COL7A1: variants seen among roughly 807,000 people sequenced by gnomAD.
The protein encoded by COL7A1 is collagen type VII alpha 1 chain, also known as collagen alpha-1(VII) chain.
In COL7A1, 296 loss-of-function variants were observed where a neutral mutation model predicts 456.2. That is an observed-to-expected ratio of 0.65 (90% CI 0.59 to 0.71). COL7A1 has a LOEUF of 0.71. Among genes scored for constraint, COL7A1 ranks in the 30% least tolerant of loss-of-function variants. The pLI, the probability that COL7A1 is intolerant of heterozygous loss-of-function variation, is 0.00. For synonymous variants in COL7A1, 1,464 were observed against 1,525.9 expected, an observed-to-expected ratio of 0.96 and a Z score of 0.95; for missense variants, 3,441 against 4,017.2, an observed-to-expected ratio of 0.86 and a Z score of 3.88.
In COL7A1 at chr3:48,576,381, G is replaced by A; in HGVS notation, c.5772+19C>T. The stretch of plus-strand genomic sequence containing the variant: ...GGTGCTGTGGCTACCTGGGCATGTG[G>A]AAAAGGTGGGGGCCTCACCTGCTCC... On this transcript the variant is annotated intron_variant, in intron 70 of 118. Coordinates refer to ENST00000681320, the MANE Select transcript of COL7A1 (RefSeq NM_000094.4). The A allele has an allele frequency of 1.2e-6, 2 of 1,613,870 alleles. No individual in the cohort carries two copies. Among genetic ancestry groups the A allele is most frequent in the Non-Finnish European group, 1.7e-6 (2 of 1,180,004 alleles).
At position 48,592,828 on chromosome 3, in the gene COL7A1, GGACCTTGTA is replaced by G. The variant is rs748563492; in HGVS notation, c.784_792del (p.Tyr262_Val264del). ...CCCAGCCCCGTCAGAGGAGTGTACT[GGACCTTGTA>G]GCCAGTCACAGGGCCACTGGCCGCT... is the stretch of plus-strand genomic sequence containing the variant. On this transcript the variant is annotated inframe_deletion, in exon 7 of 119. Coordinates refer to ENST00000681320, the MANE Select transcript of COL7A1 (RefSeq NM_000094.4). This position sits in a 1 kb window ranked among gnomAD's most constrained non-coding sequence, Gnocchi z 7.6. 1 of 1,613,848 alleles carries G rather than the reference GGACCTTGTA, an allele frequency of 6.2e-7. No homozygotes were observed. The highest frequency in any genetic ancestry group is 1.1e-5 in the South Asian group (1 of 91,088).
In COL7A1 at chr3:48,572,667, T is replaced by C. The variant is rs1057518706; in HGVS notation, c.6900+4A>G. ...AGGGGGTGGAAGTCAGGGTCAAAGA[T>C]CACCTGTCCAGGGGCCCCCGTGGGG... On this transcript the variant is annotated splice_donor_region_variant and intron_variant, in intron 88 of 118. Transcript: ENST00000681320. The surrounding 1 kb of genome is among the most constrained non-coding windows in gnomAD (Gnocchi z 4.6). 1 of 1,602,320 alleles carries C rather than the reference T, an allele frequency of 6.2e-7. No individual in the cohort carries two copies. Among genetic ancestry groups the C allele is most frequent in the Non-Finnish European group, 8.5e-7 (1 of 1,175,032 alleles).
Position 48,585,367 on chromosome 3 carries a change from G to A in COL7A1, c.3894+190C>T, listed in dbSNP as rs565134095. ...GGAGCTGCTGCTCAGGCTCTGCAGC[G>A]GGGCTAGAGGCCCCACTGGCCCTTC... On this transcript the variant is annotated intron_variant, in intron 32 of 118. Coordinates refer to ENST00000681320, the MANE Select transcript of COL7A1 (RefSeq NM_000094.4). The surrounding 1 kb of genome is among the most constrained non-coding windows in gnomAD (Gnocchi z 4.5). Among the ~76,000 whole-genome samples, 6 of 152,320 alleles carry A rather than the reference G, an allele frequency of 3.9e-5. No homozygotes were observed. The highest frequency in any genetic ancestry group is 4.1e-4 in the South Asian group (2 of 4,826).
In COL7A1 at chr3:48,571,371, G is replaced by A; in HGVS notation, c.7069-93C>T. On this transcript the variant is annotated intron_variant, in intron 92 of 118. Coordinates refer to ENST00000681320, the MANE Select transcript of COL7A1 (RefSeq NM_000094.4). The surrounding 1 kb of genome is among the most constrained non-coding windows in gnomAD (Gnocchi z 4.6). Reference sequence around the variant, plus strand: ...AAAATATTCCCAGGGGAGTTCTGATGTGACCATGAACACATGGGAACTCAG... The same window carrying A: ...AAAATATTCCCAGGGGAGTTCTGATATGACCATGAACACATGGGAACTCAG... 1.3e-6 allele frequency: 2 copies of A among 1,505,996 alleles called. No homozygotes were observed. Among genetic ancestry groups the A allele is most frequent in the South Asian group, 2.3e-5 (2 of 87,166 alleles). The allele number at this position is 1,505,996 out of a possible 1,614,324, so 93.3% of individuals were successfully genotyped here.
In COL7A1 at chr3:48,584,904, C is replaced by T. The variant is rs1216475621; in HGVS notation, c.4011+6G>A. On this transcript the variant is annotated splice_donor_region_variant and intron_variant, in intron 34 of 118. Transcript: ENST00000681320. ...CTTAGAGAGCAAAGAAGGGAAGGCA[C>T]CTTACCGGGTCCCCACGAGGGCCAG... 1 of 1,613,910 alleles carries T rather than the reference C, an allele frequency of 6.2e-7. No homozygotes were observed. Among genetic ancestry groups the T allele is most frequent in the African/African-American group, 1.3e-5 (1 of 74,926 alleles).
rs2043796401 is a variant in COL7A1 at position 48,569,821 on chromosome 3, A to G, written c.7521+59T>C. 6.2e-7 allele frequency: 1 copy of G among 1,614,088 alleles called. No homozygotes were observed. Among genetic ancestry groups the G allele is most frequent in the East Asian group, 2.2e-5 (1 of 44,872 alleles). On this transcript the variant is annotated intron_variant, in intron 100 of 118. Coordinates refer to ENST00000681320, the MANE Select transcript of COL7A1 (RefSeq NM_000094.4). This position sits in a 1 kb window ranked among gnomAD's most constrained non-coding sequence, Gnocchi z 4.9. ...GGGGAGGCCCCGCACCTGAATTCTAATATCATACAAGATCCACTCACCCCC... is the reference window on the plus strand; with the variant it reads ...GGGGAGGCCCCGCACCTGAATTCTAGTATCATACAAGATCCACTCACCCCC...
rs1490246226 is a variant in COL7A1 at position 48,579,183 on chromosome 3, C to T, written c.5388+14G>A. ...AGGGGAAGGGGACAACCAGGCAGGA[C>T]TACCAAGACTCACATTCGGCCCAGA... is the stretch of plus-strand genomic sequence containing the variant. On this transcript the variant is annotated intron_variant, in intron 62 of 118. Transcript: ENST00000681320. The surrounding 1 kb of genome is among the most constrained non-coding windows in gnomAD (Gnocchi z 4.4). The T allele has an allele frequency of 4.3e-5, 70 of 1,612,676 alleles. No homozygotes were observed. The highest frequency in any genetic ancestry group is 5.5e-5 in the Non-Finnish European group (65 of 1,179,910).
At position 48,567,812 on chromosome 3, in the gene COL7A1, C is replaced by T. The variant is rs373279464; in HGVS notation, c.7929+26G>A. ...GAGCCTTAGGCCCCAGGCCACGTAG[C>T]CCCCCAGCCCCCATCCCCTCTGTAC... is the stretch of plus-strand genomic sequence containing the variant. On this transcript the variant is annotated intron_variant, in intron 107 of 118. Transcript: ENST00000681320. The surrounding 1 kb of genome is among the most constrained non-coding windows in gnomAD (Gnocchi z 4.3). 4 of 1,614,062 alleles carry T rather than the reference C, an allele frequency of 2.5e-6. No homozygotes were observed. Among genetic ancestry groups the T allele is most frequent in the South Asian group, 2.2e-5 (2 of 91,078 alleles).
In COL7A1 at chr3:48,581,208, C is replaced by T; in HGVS notation, c.4900-51G>A. ...GTTCCAAGAACCCCCATGATGCTGGCAACAGCCCTACTCCCTTACCCGCCA... is the reference window on the plus strand; with the variant it reads ...GTTCCAAGAACCCCCATGATGCTGGTAACAGCCCTACTCCCTTACCCGCCA... On this transcript the variant is annotated intron_variant, in intron 52 of 118. Transcript: ENST00000681320. This position sits in a 1 kb window ranked among gnomAD's most constrained non-coding sequence, Gnocchi z 5.8. 1 of 1,610,870 alleles carries T rather than the reference C, an allele frequency of 6.2e-7. No homozygotes were observed. Among genetic ancestry groups the T allele is most frequent in the Non-Finnish European group, 8.5e-7 (1 of 1,178,668 alleles).
Position 48,572,462 on chromosome 3 carries a change from C to G in COL7A1, c.6936+41G>C. 6.2e-7 allele frequency: 1 copy of G among 1,613,940 alleles called. No homozygotes were observed. Among genetic ancestry groups the G allele is most frequent in the Admixed American group, 1.7e-5 (1 of 60,016 alleles). Reference sequence around the variant, plus strand: ...GGTCAGTGGGATTCCTTGGCCCCCACCAGTTGACCCCCCCTCACTGGCAGC... The same window carrying G: ...GGTCAGTGGGATTCCTTGGCCCCCAGCAGTTGACCCCCCCTCACTGGCAGC... On this transcript the variant is annotated intron_variant, in intron 89 of 118. Coordinates refer to ENST00000681320, the MANE Select transcript of COL7A1 (RefSeq NM_000094.4). The surrounding 1 kb of genome is among the most constrained non-coding windows in gnomAD (Gnocchi z 4.6).
rs2045309467 is a variant in COL7A1, at chr3:48,586,954, G to A, written c.3276+18C>T. 1.3e-6 allele frequency: 2 copies of A among 1,577,400 alleles called. No individual in the cohort carries two copies. Among genetic ancestry groups the A allele is most frequent in the Non-Finnish European group, 8.6e-7 (1 of 1,161,696 alleles). On this transcript the variant is annotated intron_variant, in intron 25 of 118. Transcript: ENST00000681320. This position sits in a 1 kb window ranked among gnomAD's most constrained non-coding sequence, Gnocchi z 5.1. ...GGGCCTCAGGGAGAGGTAGAATCTG[G>A]CTGCCCCAGGGCCAAACCTGAACTG...
At position 48,586,347 on chromosome 3, in the gene COL7A1, C is replaced by T; in HGVS notation, c.3535G>A (p.Glu1179Lys). The change falls in exon 27 of 119, where the codon GAG becomes AAG. Residue 1179 changes from glutamate to lysine, a missense_variant. This residue lies in a region of COL7A1 where 2,084 missense variants were observed against 2,501.3 expected (regional missense o/e 0.83). Coordinates refer to ENST00000681320, the MANE Select transcript of COL7A1 (RefSeq NM_000094.4). This position sits in a 1 kb window ranked among gnomAD's most constrained non-coding sequence, Gnocchi z 5.1. ...LRGDIFSPIR[E>K]AQASGLNVVM... ...TACTCCTTACCAGAAGCCTGGGCCTCACGGATGGGGCTGAATATGTCACCT... is the reference window on the plus strand; with the variant it reads ...TACTCCTTACCAGAAGCCTGGGCCTTACGGATGGGGCTGAATATGTCACCT... 1 of 1,613,898 alleles carries T rather than the reference C, an allele frequency of 6.2e-7. No individual in the cohort carries two copies. Among genetic ancestry groups the T allele is most frequent in the Non-Finnish European group, 8.5e-7 (1 of 1,179,960 alleles).
rs1249987488 is a variant in COL7A1 at position 48,567,281 on chromosome 3, G to T, written c.8047-91C>A. 6 of 1,510,438 alleles carry T rather than the reference G, an allele frequency of 4.0e-6. No homozygotes were observed. The highest frequency in any genetic ancestry group is 5.5e-6 in the Non-Finnish European group (6 of 1,094,738). The allele number at this position is 1,510,438 out of a possible 1,614,324, so 93.6% of individuals were successfully genotyped here. ...ACTCCCATGAGCTCCCTGGCCTAAT[G>T]CCCAAACCTTCTGTAACCCAAGCAC... On this transcript the variant is annotated intron_variant, in intron 109 of 118. Coordinates refer to ENST00000681320, the MANE Select transcript of COL7A1 (RefSeq NM_000094.4). The surrounding 1 kb of genome is among the most constrained non-coding windows in gnomAD (Gnocchi z 4.3).
rs1485723126 is a variant in COL7A1 at position 48,580,493 on chromosome 3, T to A, written c.5052+88A>T. On this transcript the variant is annotated intron_variant, in intron 55 of 118. Coordinates refer to ENST00000681320, the MANE Select transcript of COL7A1 (RefSeq NM_000094.4). The surrounding 1 kb of genome is among the most constrained non-coding windows in gnomAD (Gnocchi z 4.5). ...AAGTGAAGATTGGGAGGGTTTAGCA[T>A]TACAGGGTTGGGGGGTAGGATCAGG... is the stretch of plus-strand genomic sequence containing the variant. 2.0e-6 allele frequency: 3 copies of A among 1,517,164 alleles called. No individual in the cohort carries two copies. The allele number at this position is 1,517,164 out of a possible 1,614,324, so 94.0% of individuals were successfully genotyped here. A position where few individuals can be genotyped will look rare whatever the true frequency, so the allele number is the denominator to read the frequency against.
At position 48,578,237 on chromosome 3, in the gene COL7A1, T is replaced by C; in HGVS notation, c.5532+84A>G. On this transcript the variant is annotated intron_variant, in intron 65 of 118. Transcript: ENST00000681320. The surrounding 1 kb of genome is among the most constrained non-coding windows in gnomAD (Gnocchi z 4.7). ...GGATGCATGTGTCTACACGTGTGCC[T>C]CATGTGTTGCTACAGATCTTGGCTG... 2 of 1,486,684 alleles carry C rather than the reference T, an allele frequency of 1.3e-6. No homozygotes were observed. The highest frequency in any genetic ancestry group is 1.9e-6 in the Non-Finnish European group (2 of 1,070,620). The allele number at this position is 1,486,684 out of a possible 1,614,324, so 92.1% of individuals were successfully genotyped here.
chr3:48,582,394 G>T, intron 46 of COL7A1, 36 bp from the exon 47 acceptor site: 4 of 1,614,050 alleles, frequency 2.5e-6, no homozygotes, highest in Non-Finnish European at 3.4e-6. Context: ...ACAGGTCAGG[G>T]AGTCACCTAG....
chr3:48,566,931 G>C lies in COL7A1; in HGVS notation c.8202C>G (p.Gly2734=). Residue 2734 remains glycine, a synonymous_variant, in exon 111 of 119, where the codon GGC becomes GGG. Transcript: ENST00000681320. The surrounding 1 kb of genome is among the most constrained non-coding windows in gnomAD (Gnocchi z 5.9). ...PGPPGSVGPR[G]PEGLQGQKGE... is the part of the protein sequence containing the mutation. ...CCTTCTGGCCCTGAAGTCCTTCGGG[G>C]CCTCTGGGACCAACACTGCCAGGTG... 6.2e-7 allele frequency: 1 copy of C among 1,608,812 alleles called. No individual in the cohort carries two copies. The highest frequency in any genetic ancestry group is 1.1e-5 in the South Asian group (1 of 90,750).
At position 48,588,287 on chromosome 3, in the gene COL7A1, G is replaced by A. The variant is rs2045429843; in HGVS notation, c.2705C>T (p.Pro902Leu). Residue 902 changes from proline (P) to leucine (L), a missense_variant, in exon 21 of 119, where the codon CCT becomes CTT. This residue lies in a region of COL7A1 where 444 missense variants were observed against 427.6 expected (regional missense o/e 1.04). Coordinates refer to ENST00000681320, the MANE Select transcript of COL7A1 (RefSeq NM_000094.4). This position sits in a 1 kb window ranked among gnomAD's most constrained non-coding sequence, Gnocchi z 4.6. ...RAQGFLLHWQ[P>L]EGGQEQSRVL... ...CTCCTGGGGACACCTCTCACCCTCA[G>A]GTTGCCAGTGCAGAAGGAAGCCCTG... is the stretch of plus-strand genomic sequence containing the variant. 1 of 1,612,970 alleles carries A rather than the reference G, an allele frequency of 6.2e-7. No homozygotes were observed. The highest frequency in any genetic ancestry group is 8.5e-7 in the Non-Finnish European group (1 of 1,179,970).
Position 48,588,826 on chromosome 3 carries a change from C to T in COL7A1, c.2441-38G>A. 6.2e-7 allele frequency: 1 copy of T among 1,613,536 alleles called. No individual in the cohort carries two copies. The highest frequency in any genetic ancestry group is 1.1e-5 in the South Asian group (1 of 91,088). On this transcript the variant is annotated intron_variant, in intron 19 of 118. Coordinates refer to ENST00000681320, the MANE Select transcript of COL7A1 (RefSeq NM_000094.4). This position sits in a 1 kb window ranked among gnomAD's most constrained non-coding sequence, Gnocchi z 4.6. ...GCATACAGCAATGGTTAGGGGTGAG[C>T]AGTCCCAGCCAGGAAGGACAGGGGT...
Sources: gnomAD v4.1 joint callset for allele counts (sites outside exome capture counted in the v4.1 genomes callset) on GRCh38, gnomAD v4.1.1 for gene constraint, gnomAD v4.1.1 regional missense constraint, Gnocchi (gnomAD v3.1) non-coding constraint, MANE v1.5 for transcripts, NCBI Gene and HGNC (gene_info 2026-07-23, HGNC 2026-07-21) for gene names.